Variants in GRXCR1 observed in about 807,000 individuals in gnomAD.
GRXCR1 encodes glutaredoxin and cysteine rich domain containing 1, also known as glutaredoxin domain-containing cysteine-rich protein 1.
In GRXCR1, 27 loss-of-function variants were observed where a neutral mutation model predicts 27.3. The ratio of observed to expected loss-of-function variants is 0.99; its 90% CI spans 0.73 to 1.37. The LOEUF is 1.37. Among genes scored for constraint, GRXCR1 ranks in the 40% most tolerant of loss-of-function variants. The pLI, the probability that GRXCR1 is intolerant of heterozygous loss-of-function variation, is 0.00. For missense variants in GRXCR1, 379 were observed against 354.4 expected (o/e 1.07, Z -0.56); for synonymous variants, 122 against 131.1 (o/e 0.93, Z 0.47).
chr4:42,987,918 CT>C (rs1711833596), intron 2 of GRXCR1, among the ~76,000 whole-genome samples: 1 of 152,102 alleles, frequency 6.6e-6, no homozygotes, highest in South Asian at 2.1e-4. Context: ...TGCTATCTAC[CT>C]TCTATTGTGG....
chr4:42,988,009 C>A (rs1419127507), intron 2 of GRXCR1, among the ~76,000 whole-genome samples: 1 of 152,114 alleles, frequency 6.6e-6, no homozygotes, highest in Non-Finnish European at 1.5e-5. Flanking sequence ...TTGGGGTCCT[C>A]AGATGTCACA....
At chr4:43,024,337 C>A (rs1713188202) in intron 3 of GRXCR1, among the ~76,000 whole-genome samples, 1 of 151,874 alleles carries the variant, frequency 6.6e-6, no homozygotes, top group Non-Finnish European at 1.5e-5. Context: ...ATGGCACAGA[C>A]TGTCTGTGCA....
chr4:42,958,986 G>A (rs1577920963), intron 1 of GRXCR1, among the ~76,000 whole-genome samples: 1 of 151,910 alleles, frequency 6.6e-6, no homozygotes, highest in Admixed American at 6.6e-5. Context: ...GTAGATTACT[G>A]TAGCCATTAT....
Position 43,025,937 on chromosome 4 carries a change from C to T in GRXCR1, c.694-4424C>T, listed in dbSNP as rs185124966. Among the ~76,000 whole-genome samples the T allele has an allele frequency of 6.0e-4, 89 of 147,290 alleles. 1 individual carries two copies. The highest frequency in any genetic ancestry group is 2.2e-3 in the African/African-American group (86 of 39,678). On this transcript the variant is annotated intron_variant, in intron 3 of 3. Transcript: ENST00000399770. ...CTTGCAGTGAGCTGAGATCGTGCCA[C>T]TGCACTCCAGCCTGGGAAACAGAGC... is the stretch of plus-strand genomic sequence containing the variant.
chr4:43,009,618 C>T (rs183445828), intron 2 of GRXCR1, among the ~76,000 whole-genome samples: 2 of 152,054 alleles, frequency 1.3e-5, no homozygotes, highest in African/African-American at 4.8e-5. Context: ...AGTGAGAGCC[C>T]AATTCCTGGT....
intron 1 of GRXCR1, among the ~76,000 whole-genome samples, chr4:42,907,022 G>T (rs1387560386): frequency 2.6e-5 from 4 of 152,154 alleles, no homozygotes; most frequent in Admixed American, 2.6e-4. Context: ...CTTGTAAAAA[G>T]TGATTTATTA....
rs73179412 is a variant in GRXCR1 at position 43,030,035 on chromosome 4, G to C, written c.694-326G>C. Among the ~76,000 whole-genome samples the C allele has an allele frequency of 2.4e-3, 358 of 152,190 alleles. 2 individuals carry two copies. The highest frequency in any genetic ancestry group is 8.2e-3 in the African/African-American group (340 of 41,520). On this transcript the variant is annotated intron_variant, in intron 3 of 3. Transcript: ENST00000399770. ...AAAGTATTTTCCCTTAATACAAAAA[G>C]CCAGCTTCTGAATTATTTGGTTTGT...
intron 1 of GRXCR1, among the ~76,000 whole-genome samples, chr4:42,922,581 C>A (rs1411868131): frequency 6.6e-6 from 1 of 152,014 alleles, no homozygotes; most frequent in Non-Finnish European, 1.5e-5. Context: ...ATATGTATGT[C>A]CCCATGTCCC....
chr4:42,978,732 A>T (rs1162530094), intron 2 of GRXCR1, among the ~76,000 whole-genome samples: 2 of 152,096 alleles, frequency 1.3e-5, no homozygotes, highest in Non-Finnish European at 2.9e-5. Context: ...ATGTAAGATT[A>T]AACTGCTTGC....
chr4:42,974,524 C>A (rs28472849), intron 2 of GRXCR1, among the ~76,000 whole-genome samples: 3 of 152,044 alleles, frequency 2.0e-5, no homozygotes, highest in African/African-American at 7.2e-5. Flanking sequence ...ATCACTAATG[C>A]GGAATGTGCT....
At chr4:43,022,544 A>T (rs1423007619) in intron 3 of GRXCR1, among the ~76,000 whole-genome samples, 5 of 152,224 alleles carry the variant, frequency 3.3e-5, no homozygotes, top group Non-Finnish European at 7.3e-5. Context: ...ATGGTATGGC[A>T]TTGGCTTTCT....
intron 2 of GRXCR1, among the ~76,000 whole-genome samples, chr4:42,995,880 T>C (rs1712139129): frequency 6.6e-6 from 1 of 152,214 alleles, no homozygotes; most frequent in Non-Finnish European, 1.5e-5. Flanking sequence ...TCCGAGGACT[T>C]AGAAGTTGTT....
rs1747400842 is a variant in GRXCR1, at chr4:42,934,229, A to G, written c.385-28663A>G. On this transcript the variant is annotated intron_variant, in intron 1 of 3. Transcript: ENST00000399770. ...TTCATAATATAACTGTTATATGTGT[A>G]TGATGTGATATTATATATATATATA... Among the ~76,000 whole-genome samples the G allele has an allele frequency of 3.6e-5, 4 of 110,290 alleles. No individual in the cohort carries two copies. The Admixed American group carries it at 5.0e-4, about 14-fold the overall frequency. The allele number at this position is 110,290 out of a possible 152,430, so 72.4% of individuals were successfully genotyped here.
rs1273420453 is a variant in GRXCR1 at position 42,893,612 on chromosome 4, G to A, written c.346G>A (p.Gly116Ser). Reference protein sequence around the residue: ...VRGVKYKVSAGQALFNNLTKV... With the variant: ...VRGVKYKVSASQALFNNLTKV... ...AGGCGTCAAATACAAAGTGAGTGCT[G>A]GCCAGGCTCTATTTAACAATTTGAC... The change falls in exon 1 of 4, where the codon GGC (glycine) becomes AGC (serine). Residue 116 changes from glycine to serine, a missense_variant. Coordinates refer to ENST00000399770, the MANE Select transcript of GRXCR1 (RefSeq NM_001080476.3). 6.2e-7 allele frequency: 1 copy of A among 1,613,526 alleles called. No individual in the cohort carries two copies. Among genetic ancestry groups the A allele is most frequent in the South Asian group, 1.1e-5 (1 of 91,072 alleles).
chr4:42,994,704 A>C (rs1010787627), intron 2 of GRXCR1, among the ~76,000 whole-genome samples: 9 of 152,138 alleles, frequency 5.9e-5, no homozygotes, highest in African/African-American at 9.7e-5. Context: ...CTTTACCCAA[A>C]CTAGAGAGTG....
At chr4:42,933,861 A>C (rs1408716073) in intron 1 of GRXCR1, among the ~76,000 whole-genome samples, 1 of 151,868 alleles carries the variant, frequency 6.6e-6, no homozygotes, top group Non-Finnish European at 1.5e-5. Flanking sequence ...GCCTGAACAC[A>C]GTAAGACACT....
At chr4:42,984,264 T>C (rs574530445) in intron 2 of GRXCR1, among the ~76,000 whole-genome samples, 1 of 152,234 alleles carries the variant, frequency 6.6e-6, no homozygotes, top group Non-Finnish European at 1.5e-5. Flanking sequence ...CTTTTTTAAA[T>C]TTCTTTCTTG....
intron 2 of GRXCR1, among the ~76,000 whole-genome samples, chr4:42,980,058 T>C (rs1336909853): frequency 2.0e-5 from 3 of 151,936 alleles, no homozygotes; most frequent in Non-Finnish European, 2.9e-5. Flanking sequence ...TTTTTTTCCT[T>C]AGTCTAGCTA....
At chr4:42,904,173 G>T (rs966022954) in intron 1 of GRXCR1, among the ~76,000 whole-genome samples, 4 of 152,094 alleles carry the variant, frequency 2.6e-5, no homozygotes, top group African/African-American at 9.7e-5. Flanking sequence ...CATGGATTCT[G>T]GTGTCCATCT....
Sources: gnomAD v4.1 joint callset for allele counts (sites outside exome capture counted in the v4.1 genomes callset) on GRCh38, gnomAD v4.1.1 for gene constraint, MANE v1.5 for transcripts, NCBI Gene and HGNC (gene_info 2026-07-23, HGNC 2026-07-21) for gene names.